The following NALF1 variants were observed in gnomAD, a reference collection of about 807,000 sequenced individuals.
NALF1 encodes the protein family with sequence similarity 155 member A.
NALF1 carries 3 observed loss-of-function variants against 48.4 expected under a neutral mutation model. That is an observed-to-expected ratio of 0.06 (90% CI 0.03 to 0.16). The LOEUF (loss-of-function observed/expected upper bound fraction) is 0.16. Among genes scored for constraint, NALF1 ranks in the 10% least tolerant of loss-of-function variants. The pLI is 1.00. For synonymous variants in NALF1, 262 were observed against 245.7 expected, an observed-to-expected ratio of 1.07 and a Z score of -0.62; for missense variants, 526 against 571.5, an observed-to-expected ratio of 0.92 and a Z score of 0.81.
intron 1 of NALF1, among the ~76,000 whole-genome samples, chr13:107,496,667 C>T (rs1013994168): frequency 2.0e-5 from 3 of 152,128 alleles, no homozygotes; most frequent in Admixed American, 6.6e-5. Flanking sequence ...AAAAGACATA[C>T]GTGAGACTGG....
At chr13:107,818,197 G>A (rs909593154) in intron 1 of NALF1, among the ~76,000 whole-genome samples, 2 of 152,138 alleles carry the variant, frequency 1.3e-5, no homozygotes, top group African/African-American at 2.4e-5. Context: ...TTGAGGAGAG[G>A]TAAGCTTGCT....
At chr13:107,297,131 C>T (rs1400393862) in intron 1 of NALF1, among the ~76,000 whole-genome samples, 1 of 152,036 alleles carries the variant, frequency 6.6e-6, no homozygotes, top group East Asian at 1.9e-4. Context: ...ATGTAATGGG[C>T]TTCTCCTCCA....
At chr13:107,838,262 C>A (rs1879955437) in intron 1 of NALF1, among the ~76,000 whole-genome samples, 1 of 152,258 alleles carries the variant, frequency 6.6e-6, no homozygotes, top group Non-Finnish European at 1.5e-5. Context: ...CCCTCAGACC[C>A]AACTCCATCC....
rs118027592 is a variant in NALF1 at position 107,513,466 on chromosome 13, C to G, written c.916-302711G>C. Reference sequence around the variant, plus strand: ...CAGAGGAGGTTTGTACTGTGGGAAACTAGCCATTGTTTAAGACTGAAGCAT... The same window carrying G: ...CAGAGGAGGTTTGTACTGTGGGAAAGTAGCCATTGTTTAAGACTGAAGCAT... On this transcript the variant is annotated intron_variant, in intron 1 of 2. Coordinates refer to ENST00000375915, the MANE Select transcript of NALF1 (RefSeq NM_001080396.3). Among the ~76,000 whole-genome samples, 1,078 of 152,094 alleles carry G rather than the reference C, an allele frequency of 7.1e-3. 42 individuals are homozygous for G. In the East Asian group the frequency reaches 0.1, roughly 15 times the overall value.
chr13:107,389,279 G>A (rs946349547), intron 1 of NALF1, among the ~76,000 whole-genome samples: 8 of 152,140 alleles, frequency 5.3e-5, no homozygotes, highest in Non-Finnish European at 1.0e-4. Context: ...GATATGTTCG[G>A]GTCCTAACCC....
intron 1 of NALF1, among the ~76,000 whole-genome samples, chr13:107,845,817 G>C (rs1391162655): frequency 6.6e-6 from 1 of 151,920 alleles, no homozygotes; most frequent in Non-Finnish European, 1.5e-5. Flanking sequence ...ATCAGTTTTA[G>C]CACCATAATA....
intron 1 of NALF1, among the ~76,000 whole-genome samples, chr13:107,775,204 C>A (rs543471015): frequency 4.3e-5 from 5 of 117,008 alleles, no homozygotes; most frequent in Admixed American, 1.0e-4. Flanking sequence ...ATCCCTCCCC[C>A]CTCCCCCCAC....
intron 1 of NALF1, among the ~76,000 whole-genome samples, chr13:107,634,210 G>C (rs562503822): frequency 6.6e-5 from 10 of 152,136 alleles, no homozygotes; most frequent in African/African-American, 2.4e-4. Context: ...GGCAAAGATG[G>C]TGGGGAGGCA....
At chr13:107,386,041 AC>A (rs1351333110) in intron 1 of NALF1, among the ~76,000 whole-genome samples, 4 of 152,228 alleles carry the variant, frequency 2.6e-5, no homozygotes, top group African/African-American at 9.6e-5. Flanking sequence ...CCAGATACTT[AC>A]CAATTTTAGT....
rs903008914 is a variant in NALF1, at chr13:107,468,955, T to C, written c.916-258200A>G. Among the ~76,000 whole-genome samples, 4 of 152,272 alleles carry C rather than the reference T, an allele frequency of 2.6e-5. No individual in the cohort carries two copies. In the East Asian group the frequency reaches 5.8e-4, roughly 22 times the overall value. ...TAATAAAGATACAACAGCATGATTA[T>C]AGTTGGTATGTCTTGCTGAATTTTG... On this transcript the variant is annotated intron_variant, in intron 1 of 2. Transcript: ENST00000375915.
At chr13:107,202,960 T>G (rs1426873811) in intron 2 of NALF1, among the ~76,000 whole-genome samples, 1 of 152,190 alleles carries the variant, frequency 6.6e-6, no homozygotes, top group Non-Finnish European at 1.5e-5. Context: ...CCTCAAGGCA[T>G]CAAACTAGAT....
At chr13:107,414,074 G>A (rs1218165238) in intron 1 of NALF1, among the ~76,000 whole-genome samples, 11 of 152,306 alleles carry the variant, frequency 7.2e-5, no homozygotes, top group Non-Finnish European at 1.2e-4. Flanking sequence ...GATTAGAGGC[G>A]TGAGCCACTG....
At chr13:107,848,853 T>C (rs1880241310) in intron 1 of NALF1, among the ~76,000 whole-genome samples, 1 of 152,222 alleles carries the variant, frequency 6.6e-6, no homozygotes, top group Non-Finnish European at 1.5e-5. Flanking sequence ...AAGAATCTAC[T>C]TACCAGCATT....
Position 107,166,493 on chromosome 13 carries a change from C to T in NALF1, c.*4004G>A, listed in dbSNP as rs1010491163. The T allele has an allele frequency of 6.6e-6, 1 of 152,150 alleles. No homozygotes were observed. The highest frequency in any genetic ancestry group is 1.5e-5 in the Non-Finnish European group (1 of 68,028). 9.4% of individuals were successfully genotyped at this position (152,150 alleles called of 1,614,324 possible). A position where few individuals can be genotyped will look rare whatever the true frequency, so the allele number is the denominator to read the frequency against. On this transcript the variant is annotated 3_prime_UTR_variant, in exon 3 of 3. Coordinates refer to ENST00000375915, the MANE Select transcript of NALF1 (RefSeq NM_001080396.3). ...TCTAAATAAATAAAACAAAATGCAG[C>T]TTTCAGTTCTGTGTTGATTTAATGC...
At chr13:107,848,187 C>T (rs921590325) in intron 1 of NALF1, among the ~76,000 whole-genome samples, 1 of 152,142 alleles carries the variant, frequency 6.6e-6, no homozygotes, top group Non-Finnish European at 1.5e-5. Flanking sequence ...AACTGTTAAC[C>T]TTTAACTGTT....
chr13:107,584,535 A>C (rs1346041040), intron 1 of NALF1, among the ~76,000 whole-genome samples: 2 of 152,204 alleles, frequency 1.3e-5, no homozygotes, highest in African/African-American at 2.4e-5. Context: ...CAACAGTTAG[A>C]AGAGGCTTTT....
intron 1 of NALF1, among the ~76,000 whole-genome samples, chr13:107,701,293 T>C (rs1881811950): frequency 6.6e-6 from 1 of 152,086 alleles, no homozygotes; most frequent in Non-Finnish European, 1.5e-5. Flanking sequence ...TACAATGAAA[T>C]ACTATTCAGC....
intron 1 of NALF1, among the ~76,000 whole-genome samples, chr13:107,561,758 T>A (rs1877653707): frequency 6.6e-6 from 1 of 152,182 alleles, no homozygotes; most frequent in African/African-American, 2.4e-5. Flanking sequence ...CTTCCCCACT[T>A]CCTGTGAAGC....
intron 1 of NALF1, among the ~76,000 whole-genome samples, chr13:107,806,109 T>A (rs1157333459): frequency 1.3e-5 from 2 of 152,152 alleles, no homozygotes; most frequent in Non-Finnish European, 2.9e-5. Flanking sequence ...AACCTCGAAG[T>A]GACCTAGAGA....
Sources: gnomAD v4.1 joint callset for allele counts (sites outside exome capture counted in the v4.1 genomes callset) on GRCh38, gnomAD v4.1.1 for gene constraint, MANE v1.5 for transcripts, NCBI Gene and HGNC (gene_info 2026-07-23, HGNC 2026-07-21) for gene names.